ZKSCAN1: variants seen among roughly 807,000 people sequenced by gnomAD.
ZKSCAN1 encodes the protein zinc finger protein with KRAB and SCAN domains 1.
In ZKSCAN1, 14 loss-of-function variants were observed where a neutral mutation model predicts 51.6. That is an observed-to-expected ratio of 0.27 (90% CI 0.18 to 0.42). The LOEUF (loss-of-function observed/expected upper bound fraction) is 0.42. ZKSCAN1 is among the 10% of genes least tolerant of loss of function. The probability of loss-of-function intolerance (pLI) is 1.00; values close to 1 mark genes in which losing one functional copy is unlikely to be tolerated. For synonymous variants in ZKSCAN1, 263 were observed against 261.5 expected, an observed-to-expected ratio of 1.01 and a Z score of -0.06; for missense variants, 531 against 710.0, an observed-to-expected ratio of 0.75 and a Z score of 2.86.
intron 1 of ZKSCAN1, among the ~76,000 whole-genome samples, chr7:100,018,443 C>T (rs1265217683): frequency 6.7e-6 from 1 of 150,218 alleles, no homozygotes. Flanking sequence ...CTCGCTCTGT[C>T]ACCCAGGCTG....
Position 100,025,804 on chromosome 7 carries a change from G to A in ZKSCAN1, c.580+1497G>A, listed in dbSNP as rs1790809174. ...AAAAACAGAGTATAAAAGATTTTTA[G>A]CCCAGGCACAGTGGCTCACGCCTGT... is the stretch of plus-strand genomic sequence containing the variant. On this transcript the variant is annotated intron_variant, in intron 3 of 5. Coordinates refer to ENST00000324306, the MANE Select transcript of ZKSCAN1 (RefSeq NM_003439.4). Among the ~76,000 whole-genome samples, 6 of 152,266 alleles carry A rather than the reference G, an allele frequency of 3.9e-5. 1 individual carries two copies. In the South Asian group the frequency reaches 1.2e-3, roughly 32 times the overall value.
At chr7:100,019,995 G>A (rs546683450) in intron 1 of ZKSCAN1, among the ~76,000 whole-genome samples, 3 of 152,308 alleles carry the variant, frequency 2.0e-5, no homozygotes, top group South Asian at 2.1e-4. Context: ...GAGCCGCTGC[G>A]CTCAGCCTCT....
chr7:100,028,887 G>T (rs1790967526), intron 3 of ZKSCAN1, among the ~76,000 whole-genome samples: 1 of 151,856 alleles, frequency 6.6e-6, no homozygotes, highest in Admixed American at 6.6e-5. Flanking sequence ...AGAGGTGGCC[G>T]GACACAGTGG....
Position 100,034,491 on chromosome 7 carries a change from A to T in ZKSCAN1, c.*294A>T. The T allele has an allele frequency of 1.8e-6, 2 of 1,119,976 alleles. No homozygotes were observed. Among genetic ancestry groups the T allele is most frequent in the Non-Finnish European group, 2.2e-6 (2 of 915,190 alleles). The allele number at this position is 1,119,976 out of a possible 1,614,324, so 69.4% of individuals were successfully genotyped here. On this transcript the variant is annotated 3_prime_UTR_variant, in exon 6 of 6. Transcript: ENST00000324306. ...AATGTCAGTCTTTTCAGTAATGAGG[A>T]TACCTTTAAGGCACTCTTGGACTCT...
In ZKSCAN1 at chr7:100,037,834, G is replaced by A. The variant is rs769964174; in HGVS notation, c.*3637G>A. 9.8e-6 allele frequency: 7 copies of A among 715,626 alleles called. No homozygotes were observed. Among genetic ancestry groups the A allele is most frequent in the Non-Finnish European group, 1.0e-5 (6 of 584,080 alleles). 44.3% of individuals were successfully genotyped at this position (715,626 alleles called of 1,614,324 possible). On this transcript the variant is annotated 3_prime_UTR_variant, in exon 6 of 6. Coordinates refer to ENST00000324306, the MANE Select transcript of ZKSCAN1 (RefSeq NM_003439.4). Reference sequence around the variant, plus strand: ...AGTTCGAGACCAGCCTGGCCAACATGGTGAAACCTTGTCTCTACTAAAAAT... The same window carrying A: ...AGTTCGAGACCAGCCTGGCCAACATAGTGAAACCTTGTCTCTACTAAAAAT...
downstream of ZKSCAN1, among the ~76,000 whole-genome samples, chr7:100,043,838 A>G (rs1185118392): frequency 8.3e-6 from 1 of 121,046 alleles, no homozygotes; most frequent in Non-Finnish European, 1.6e-5. Context: ...GCTGGAGGGC[A>G]TGATCTCAGC....
At position 100,033,807 on chromosome 7, in the gene ZKSCAN1, A is replaced by G; in HGVS notation, c.1302A>G (p.Glu434=). ...QRIHTGEKPH[E]CNECGKAFSH... ...TCCACACAGGAGAGAAACCTCATGA[A>G]TGTAACGAGTGTGGCAAGGCCTTCA... Residue 434 remains glutamate, a synonymous_variant, in exon 6 of 6, where the codon GAA becomes GAG. Transcript: ENST00000324306. This position sits in a 1 kb window ranked among gnomAD's most constrained non-coding sequence, Gnocchi z 4.1. The G allele has an allele frequency of 6.2e-7, 1 of 1,614,234 alleles. No homozygotes were observed. Among genetic ancestry groups the G allele is most frequent in the Non-Finnish European group, 8.5e-7 (1 of 1,180,048 alleles).
intron 1 of ZKSCAN1, 91 bp from the exon 2 acceptor site, chr7:100,023,328 G>T: frequency 1.5e-6 from 1 of 666,858 alleles, no homozygotes; most frequent in Non-Finnish European, 2.4e-6. Flanking sequence ...CGTTCTGATA[G>T]TGCCTCGATG....
chr7:100,036,014 T>C lies in ZKSCAN1; in HGVS notation c.*1817T>C. The C allele has an allele frequency of 4.1e-6, 4 of 985,448 alleles. No homozygotes were observed. The highest frequency in any genetic ancestry group is 3.6e-6 in the Non-Finnish European group (3 of 829,932). 61.0% of individuals were successfully genotyped at this position (985,448 alleles called of 1,614,324 possible). ...GAACCCCATATATAGTTTGAGACTT[T>C]CCCTTGAGAAACTTATACTAAAACT... On this transcript the variant is annotated 3_prime_UTR_variant, in exon 6 of 6. Coordinates refer to ENST00000324306, the MANE Select transcript of ZKSCAN1 (RefSeq NM_003439.4).
At chr7:100,031,304 G>A (rs1320759042) in intron 5 of ZKSCAN1, among the ~76,000 whole-genome samples, 1 of 131,556 alleles carries the variant, frequency 7.6e-6, no homozygotes, top group Non-Finnish European at 1.6e-5. Context: ...TTTTGAGACA[G>A]GGTCTTGCTG....
chr7:100,032,963 AC>A (rs1275208967), intron 5 of ZKSCAN1, among the ~76,000 whole-genome samples: 1 of 151,422 alleles, frequency 6.6e-6, no homozygotes, highest in African/African-American at 2.4e-5. Context: ...AGCCGAGATC[AC>A]GCCATTGCAC....
At position 100,034,681 on chromosome 7, in the gene ZKSCAN1, T is replaced by A. The variant is rs747647920; in HGVS notation, c.*484T>A. 280 of 456,860 alleles carry A rather than the reference T, an allele frequency of 6.1e-4. No individual in the cohort carries two copies. The highest frequency in any genetic ancestry group is 7.7e-4 in the Non-Finnish European group (267 of 345,306). The allele number at this position is 456,860 out of a possible 1,614,324, so 28.3% of individuals were successfully genotyped here. On this transcript the variant is annotated 3_prime_UTR_variant, in exon 6 of 6. Transcript: ENST00000324306. Reference sequence around the variant, plus strand: ...CAAAAACGACATTGGGACATGCTGCTCAAGGTAGTTATATATACGATAAGT... The same window carrying A: ...CAAAAACGACATTGGGACATGCTGCACAAGGTAGTTATATATACGATAAGT...
intron 5 of ZKSCAN1, among the ~76,000 whole-genome samples, chr7:100,032,737 G>T (rs1433816724): frequency 6.6e-6 from 1 of 151,506 alleles, no homozygotes; most frequent in Non-Finnish European, 1.5e-5. Flanking sequence ...GGCCAGGCGT[G>T]GTGGCTCACG....
At position 100,034,667 on chromosome 7, in the gene ZKSCAN1, T is replaced by G. The variant is rs1017313720; in HGVS notation, c.*470T>G. The G allele has an allele frequency of 5.3e-6, 3 of 564,372 alleles. No homozygotes were observed. In the African/African-American group the frequency reaches 6.1e-5, roughly 12 times the overall value. 35.0% of individuals were successfully genotyped at this position (564,372 alleles called of 1,614,324 possible). On this transcript the variant is annotated 3_prime_UTR_variant, in exon 6 of 6. Transcript: ENST00000324306. ...AGGGACAGTGAAAACAAAAACGACATTGGGACATGCTGCTCAAGGTAGTTA... is the reference window on the plus strand; with the variant it reads ...AGGGACAGTGAAAACAAAAACGACAGTGGGACATGCTGCTCAAGGTAGTTA...
chr7:100,025,568 A>T (rs1028217230), intron 3 of ZKSCAN1, among the ~76,000 whole-genome samples: 3 of 152,240 alleles, frequency 2.0e-5, no homozygotes, highest in African/African-American at 7.2e-5. Flanking sequence ...CTAAAAGTAC[A>T]TTTATCACTT....
At chr7:100,027,592 C>T (rs1286053285) in intron 3 of ZKSCAN1, among the ~76,000 whole-genome samples, 2 of 151,228 alleles carry the variant, frequency 1.3e-5, no homozygotes, top group African/African-American at 4.9e-5. Flanking sequence ...CCTAAAAATA[C>T]AAAAAATTAG....
chr7:100,019,712 T>G (rs1256808555), intron 1 of ZKSCAN1, among the ~76,000 whole-genome samples: 1 of 152,016 alleles, frequency 6.6e-6, no homozygotes, highest in Non-Finnish European at 1.5e-5. Context: ...CTTCTTTTGT[T>G]TTTTTTTGAG....
At chr7:100,041,830 T>C (rs1360584323), downstream of ZKSCAN1, 3 of 834,700 alleles carry the variant, frequency 3.6e-6, no homozygotes, top group Non-Finnish European at 4.3e-6. Context: ...CATGCAAAAC[T>C]ATCTGTTTAC....
Position 100,033,513 on chromosome 7 carries a change from G to A in ZKSCAN1, c.1008G>A (p.Lys336=), listed in dbSNP as rs750401839. ...GAGATTCAGGGCCAGCTATAGGAAA[G>A]GACAAAAAAACCATCACAGGAGAGA... The part of the protein sequence containing the change: ...EKRDSGPAIG[K]DKKTITGERG... Residue 336 remains lysine, a synonymous_variant, in exon 6 of 6, where the codon AAG becomes AAA. Coordinates refer to ENST00000324306, the MANE Select transcript of ZKSCAN1 (RefSeq NM_003439.4). This position sits in a 1 kb window ranked among gnomAD's most constrained non-coding sequence, Gnocchi z 4.1. The A allele has an allele frequency of 1.9e-6, 3 of 1,613,772 alleles. No homozygotes were observed. The highest frequency in any genetic ancestry group is 2.5e-6 in the Non-Finnish European group (3 of 1,179,918).
Sources: allele counts gnomAD v4.1 joint callset (sites outside exome capture counted in the v4.1 genomes callset), GRCh38; gene constraint gnomAD v4.1.1; non-coding constraint Gnocchi (gnomAD v3.1); transcripts MANE v1.5; gene names NCBI Gene and HGNC (gene_info 2026-07-23, HGNC 2026-07-21).